The following TSHZ2 variants were observed in gnomAD, a reference collection of about 807,000 sequenced individuals.
The protein encoded by TSHZ2 is teashirt homolog 2.
Under a neutral mutation model 74.4 loss-of-function variants are expected in TSHZ2, and 21 were observed. The observed-to-expected ratio is 0.28, with a 90% CI of 0.20 to 0.41. The LOEUF (loss-of-function observed/expected upper bound fraction) is 0.41, where lower values mean the gene tolerates loss of function less well. Ranked by LOEUF, TSHZ2 falls within the 10% of genes least tolerant of loss-of-function variation. The pLI, the probability that TSHZ2 is intolerant of heterozygous loss-of-function variation, is 1.00. For missense variants in TSHZ2, 1,244 were observed against 1,293.5 expected (o/e 0.96, Z 0.59); for synonymous variants, 540 against 515.3 (o/e 1.05, Z -0.65).
chr20:52,976,690 C>A (rs572263171), intron 1 of TSHZ2, among the ~76,000 whole-genome samples: 2 of 152,160 alleles, frequency 1.3e-5, no homozygotes, highest in Non-Finnish European at 2.9e-5. Context: ...ATAAATAATA[C>A]GTATTTTATT....
intron 1 of TSHZ2, among the ~76,000 whole-genome samples, chr20:53,027,621 A>T (rs372881704): frequency 1.3e-5 from 2 of 152,072 alleles, no homozygotes; most frequent in African/African-American, 4.8e-5. Flanking sequence ...TGGAATGAGG[A>T]TAGAAGATAG....
chr20:53,421,241 T>C (rs1352048174), intron 2 of TSHZ2: 1 of 156,802 alleles, frequency 6.4e-6, no homozygotes, highest in African/African-American at 2.4e-5. Context: ...TGGCGAGCCT[T>C]TAGGCCATGT....
intron 2 of TSHZ2, among the ~76,000 whole-genome samples, chr20:53,440,556 C>T (rs1217536380): frequency 6.6e-6 from 1 of 152,144 alleles, no homozygotes; most frequent in Non-Finnish European, 1.5e-5. Context: ...GTTCTAAGTT[C>T]CAGGACCACA....
chr20:52,985,874 G>A (rs1354679642), intron 1 of TSHZ2, among the ~76,000 whole-genome samples: 1 of 152,180 alleles, frequency 6.6e-6, no homozygotes, highest in East Asian at 1.9e-4. Flanking sequence ...CATTATTTAA[G>A]CCAGAGTTAT....
chr20:53,234,408 G>C (rs1278818725), intron 1 of TSHZ2, among the ~76,000 whole-genome samples: 1 of 152,124 alleles, frequency 6.6e-6, no homozygotes, highest in African/African-American at 2.4e-5. Flanking sequence ...AAGCCAAAGA[G>C]ACAAAGATAC....
chr20:53,024,517 T>A (rs998787707), intron 1 of TSHZ2, among the ~76,000 whole-genome samples: 2 of 152,004 alleles, frequency 1.3e-5, no homozygotes, highest in Admixed American at 1.3e-4. Context: ...TTATTATACT[T>A]TAAGATCTGC....
chr20:53,244,008 T>C (rs2123700443), intron 1 of TSHZ2, among the ~76,000 whole-genome samples: 1 of 152,064 alleles, frequency 6.6e-6, no homozygotes. Context: ...GAAGCAGCAT[T>C]TGCCAAAAAA....
chr20:53,266,366 T>C (rs1946496863), intron 2 of TSHZ2, among the ~76,000 whole-genome samples: 1 of 152,194 alleles, frequency 6.6e-6, no homozygotes, highest in Non-Finnish European at 1.5e-5. Flanking sequence ...CGCCCAGAAA[T>C]TGTTTTCTCA....
intron 1 of TSHZ2, among the ~76,000 whole-genome samples, chr20:53,162,342 G>A (rs999663173): frequency 2.0e-5 from 3 of 152,126 alleles, no homozygotes; most frequent in Non-Finnish European, 4.4e-5. Context: ...TTTTGGGTTC[G>A]GCCATCCCAT....
chr20:53,291,796 C>T (rs1312708226), intron 2 of TSHZ2, among the ~76,000 whole-genome samples: 1 of 150,942 alleles, frequency 6.6e-6, no homozygotes, highest in African/African-American at 2.4e-5. Context: ...GCACCTGCCT[C>T]CTCACAGCAC....
chr20:53,443,219 A>G (rs944540262), intron 2 of TSHZ2, among the ~76,000 whole-genome samples: 10 of 152,132 alleles, frequency 6.6e-5, no homozygotes, highest in Admixed American at 2.0e-4. Flanking sequence ...GGTGTGATCA[A>G]TTGCTTGAAA....
chr20:52,972,628 G>T lies in TSHZ2; in HGVS notation c.-666G>T. 6.7e-6 allele frequency: 1 copy of T among 149,988 alleles called. No individual in the cohort carries two copies. Among genetic ancestry groups the T allele is most frequent in the South Asian group, 2.0e-4 (1 of 4,948 alleles). 9.3% of individuals were successfully genotyped at this position (149,988 alleles called of 1,614,324 possible). On this transcript the variant is annotated 5_prime_UTR_variant, in exon 1 of 3. Coordinates refer to ENST00000371497, the MANE Select transcript of TSHZ2 (RefSeq NM_173485.6). Reference sequence around the variant, plus strand: ...GCATATCACTCACAGACGGGGATCTGACAGCAGCCACAAACCTACAGTGAG... The same window carrying T: ...GCATATCACTCACAGACGGGGATCTTACAGCAGCCACAAACCTACAGTGAG...
intron 2 of TSHZ2, among the ~76,000 whole-genome samples, chr20:53,338,298 T>A (rs1019373857): frequency 5.3e-5 from 8 of 152,214 alleles, no homozygotes. Flanking sequence ...CAAACCATCA[T>A]GCTCTCTATC....
rs1310740097 is a variant in TSHZ2 at position 53,458,875 on chromosome 20, G to C, written c.*9-28269G>C. Among the ~76,000 whole-genome samples, 27 of 152,186 alleles carry C rather than the reference G, an allele frequency of 1.8e-4. No homozygotes were observed. In the East Asian group the frequency reaches 5.2e-3, roughly 29 times the overall value. ...AGTTTCCATGTAGTTGAGCGGTTTTGAGTGAGATTCTTAATCCTGAGTTCT... is the reference window on the plus strand; with the variant it reads ...AGTTTCCATGTAGTTGAGCGGTTTTCAGTGAGATTCTTAATCCTGAGTTCT... On this transcript the variant is annotated intron_variant, in intron 2 of 2. Transcript: ENST00000371497.
intron 2 of TSHZ2, among the ~76,000 whole-genome samples, chr20:53,321,897 G>T (rs945102067): frequency 2.0e-4 from 30 of 152,218 alleles, no homozygotes; most frequent in African/African-American, 6.7e-4. Context: ...TTTTCATGGG[G>T]AGTCCCTGTG....
chr20:53,246,903 C>G (rs983933963), intron 1 of TSHZ2, among the ~76,000 whole-genome samples: 1 of 152,174 alleles, frequency 6.6e-6, no homozygotes, highest in Non-Finnish European at 1.5e-5. Context: ...GGTATGCAAG[C>G]GCGGTACATG....
intron 1 of TSHZ2, among the ~76,000 whole-genome samples, chr20:53,165,608 G>A (rs1749594281): frequency 6.6e-6 from 1 of 152,204 alleles, no homozygotes; most frequent in African/African-American, 2.4e-5. Context: ...GTGGTTAACT[G>A]TTTGCCTGGG....
At chr20:53,217,435 GA>G (rs1433003324) in intron 1 of TSHZ2, among the ~76,000 whole-genome samples, 1 of 152,080 alleles carries the variant, frequency 6.6e-6, no homozygotes, top group Non-Finnish European at 1.5e-5. Flanking sequence ...AGCAGAAAGG[GA>G]TAACAGATGG....
chr20:53,110,321 C>G (rs1431507554), intron 1 of TSHZ2, among the ~76,000 whole-genome samples: 1 of 152,052 alleles, frequency 6.6e-6, no homozygotes, highest in Admixed American at 6.5e-5. Flanking sequence ...ATGCCCACAG[C>G]CAAATTCCCA....
Sources: gnomAD v4.1 joint callset for allele counts (sites outside exome capture counted in the v4.1 genomes callset) on GRCh38, gnomAD v4.1.1 for gene constraint, MANE v1.5 for transcripts, NCBI Gene and HGNC (gene_info 2026-07-23, HGNC 2026-07-21) for gene names.